The following SIPA1L1 variants were observed in gnomAD, a reference collection of about 807,000 sequenced individuals.
SIPA1L1 encodes signal-induced proliferation-associated 1-like protein 1.
A neutral mutation model predicts 162.7 loss-of-function variants in SIPA1L1; 26 were observed. The observed-to-expected ratio is 0.16, with a 90% CI of 0.12 to 0.22. The LOEUF (loss-of-function observed/expected upper bound fraction) is 0.22, where lower values mean the gene tolerates loss of function less well. SIPA1L1 is among the 10% of genes least tolerant of loss of function. SIPA1L1 has a pLI of 1.00. For synonymous variants in SIPA1L1, 829 were observed against 837.4 expected (o/e 0.99, Z 0.17); for missense variants, 1,874 against 2,241.0 (o/e 0.84, Z 3.31).
At chr14:71,406,023 G>T (rs1446995538) in intron 2 of SIPA1L1, among the ~76,000 whole-genome samples, 1 of 152,220 alleles carries the variant, frequency 6.6e-6, no homozygotes, top group South Asian at 2.1e-4. Flanking sequence ...GGAATCTGGG[G>T]TAGCGTCTCG....
At chr14:71,437,268 CT>C (rs1595457547) in intron 2 of SIPA1L1, among the ~76,000 whole-genome samples, 1 of 152,042 alleles carries the variant, frequency 6.6e-6, no homozygotes, top group East Asian at 1.9e-4. Context: ...AATCTTAGCA[CT>C]TTTGGAGGCC....
chr14:71,373,419 T>C (rs1336263913), intron 2 of SIPA1L1, among the ~76,000 whole-genome samples: 1 of 151,854 alleles, frequency 6.6e-6, no homozygotes, highest in Non-Finnish European at 1.5e-5. Flanking sequence ...GGTCAGGAGT[T>C]TGACACTAGC....
intron 5 of SIPA1L1, among the ~76,000 whole-genome samples, chr14:71,599,176 G>A (rs1555472286): frequency 1.6e-5 from 2 of 128,216 alleles, no homozygotes. Context: ...TTGAGATGGA[G>A]TTTTGCACTT....
intron 2 of SIPA1L1, among the ~76,000 whole-genome samples, chr14:71,454,573 T>G (rs1359370670): frequency 1.3e-5 from 2 of 152,184 alleles, no homozygotes; most frequent in African/African-American, 4.8e-5. Context: ...ATTGAAGGCT[T>G]CTGCTTTCTG....
chr14:71,373,598 A>G (rs1283484265), intron 2 of SIPA1L1, among the ~76,000 whole-genome samples: 1 of 150,908 alleles, frequency 6.6e-6, no homozygotes, highest in Non-Finnish European at 1.5e-5. Context: ...CAGAGGTTGC[A>G]GTGAGCTGAG....
Position 71,723,697 on chromosome 14 carries a change from G to A in SIPA1L1, c.4259G>A (p.Arg1420Gln), listed in dbSNP as rs201624200. ...SASPVVFTSA[R>Q]SSPKEELHPA... ...AGCCCAGTGGTTTTCACCAGTGCCC[G>A]GAGTTCACCTAAAGAAGAGCTTCAT... Residue 1420 changes from arginine to glutamine, a missense_variant, in exon 18 of 24, where the codon CGG (arginine) becomes CAG (glutamine). Transcript: ENST00000381232. 168 of 1,614,036 alleles carry A rather than the reference G, an allele frequency of 1.0e-4. 1 individual carries two copies. The highest frequency in any genetic ancestry group is 1.3e-4 in the Non-Finnish European group (151 of 1,180,038).
intron 2 of SIPA1L1, among the ~76,000 whole-genome samples, chr14:71,338,463 G>T (rs900192425): frequency 6.6e-6 from 1 of 152,166 alleles, no homozygotes. Context: ...ATCGTTGGAG[G>T]CCCTAATGCA....
At chr14:71,435,430 G>GT (rs1171898584) in intron 2 of SIPA1L1, among the ~76,000 whole-genome samples, 1 of 152,060 alleles carries the variant, frequency 6.6e-6, no homozygotes, top group Non-Finnish European at 1.5e-5. Context: ...GCGGTGTTTG[G>GT]TTTTTTGTCC....
chr14:71,505,864 G>A (rs1204142988), intron 2 of SIPA1L1, among the ~76,000 whole-genome samples: 1 of 151,874 alleles, frequency 6.6e-6, no homozygotes, highest in Non-Finnish European at 1.5e-5. Context: ...ATTACCTTCA[G>A]GCTATGTGTA....
At chr14:71,630,764 G>A (rs1007877326) in intron 7 of SIPA1L1, among the ~76,000 whole-genome samples, 1 of 151,858 alleles carries the variant, frequency 6.6e-6, no homozygotes, top group East Asian at 1.9e-4. Context: ...TAACTACAAG[G>A]TGTAGTATTT....
At chr14:71,623,991 T>A in intron 6 of SIPA1L1, 57 bp from the exon 7 acceptor site, 1 of 1,436,882 alleles carries the variant, frequency 7.0e-7, no homozygotes, top group Non-Finnish European at 9.5e-7. Context: ...TGCATGTACA[T>A]GTGTTCAGGC....
At chr14:71,401,049 T>C (rs1009838408) in intron 2 of SIPA1L1, 24 of 152,184 alleles carry the variant, frequency 1.6e-4, no homozygotes, top group African/African-American at 4.6e-4. Context: ...GAGCATGATA[T>C]GGGGTCATTG....
intron 5 of SIPA1L1, among the ~76,000 whole-genome samples, chr14:71,609,884 C>G (rs946095375): frequency 1.3e-5 from 2 of 152,050 alleles, no homozygotes; most frequent in African/African-American, 4.8e-5. Flanking sequence ...CCCCCCACCC[C>G]ACCCTGCCCT....
At chr14:71,628,686 T>C (rs2040272847) in intron 7 of SIPA1L1, among the ~76,000 whole-genome samples, 1 of 152,088 alleles carries the variant, frequency 6.6e-6, no homozygotes, top group Non-Finnish European at 1.5e-5. Context: ...ATAAATCTAA[T>C]AAGAGAATTG....
chr14:71,602,265 T>C (rs2036859923), intron 5 of SIPA1L1, among the ~76,000 whole-genome samples: 1 of 152,192 alleles, frequency 6.6e-6, no homozygotes, highest in Admixed American at 6.5e-5. Context: ...TTTTTGGTTT[T>C]CATTTGCTTC....
intron 4 of SIPA1L1, among the ~76,000 whole-genome samples, chr14:71,549,156 G>A (rs1318221086): frequency 6.6e-6 from 1 of 152,112 alleles, no homozygotes; most frequent in Non-Finnish European, 1.5e-5. Context: ...TTTTTCAAGG[G>A]TGACCTTGGT....
At chr14:71,475,390 ATGT>A (rs1268966247) in intron 2 of SIPA1L1, among the ~76,000 whole-genome samples, 3 of 152,154 alleles carry the variant, frequency 2.0e-5, no homozygotes, top group Non-Finnish European at 2.9e-5. Flanking sequence ...GGTGAGAACA[ATGT>A]TGTTGGAAAG....
chr14:71,374,077 C>A (rs757607564), intron 2 of SIPA1L1, among the ~76,000 whole-genome samples: 7 of 152,140 alleles, frequency 4.6e-5, no homozygotes, highest in Non-Finnish European at 8.8e-5. Flanking sequence ...CTTCGTGTTA[C>A]TGCAGACAGC....
At chr14:71,535,355 A>C (rs895605165) in intron 4 of SIPA1L1, among the ~76,000 whole-genome samples, 1 of 152,188 alleles carries the variant, frequency 6.6e-6, no homozygotes, top group African/African-American at 2.4e-5. Context: ...TTTTGTTTCC[A>C]TTGATTTTTT....
Sources: allele counts gnomAD v4.1 joint callset (sites outside exome capture counted in the v4.1 genomes callset), GRCh38; gene constraint gnomAD v4.1.1; transcripts MANE v1.5; gene names NCBI Gene and HGNC (gene_info 2026-07-23, HGNC 2026-07-21).